The following TMTC2 variants were observed in gnomAD, a reference collection of about 807,000 sequenced individuals.
TMTC2 encodes the protein protein O-mannosyl-transferase TMTC2.
In TMTC2, 43 loss-of-function variants were observed where a neutral mutation model predicts 82.4. The observed-to-expected ratio is 0.52, with a 90% CI of 0.41 to 0.67. The LOEUF is 0.67. TMTC2 is among the 30% of genes least tolerant of loss of function. TMTC2 has a pLI of 0.00. For synonymous variants in TMTC2, 408 were observed against 381.9 expected, an observed-to-expected ratio of 1.07 and a Z score of -0.80; for missense variants, 919 against 1,012.4, an observed-to-expected ratio of 0.91 and a Z score of 1.25.
intron 1 of TMTC2, among the ~76,000 whole-genome samples, chr12:82,798,029 C>T (rs971286217): frequency 2.0e-5 from 3 of 149,686 alleles, no homozygotes; most frequent in African/African-American, 7.3e-5. Context: ...GCTCCGCCTC[C>T]CAGGTTCACA....
intron 1 of TMTC2, among the ~76,000 whole-genome samples, chr12:82,783,412 G>A (rs1316960489): frequency 6.6e-6 from 1 of 151,750 alleles, no homozygotes; most frequent in African/African-American, 2.4e-5. Context: ...CATATAAAAA[G>A]GGGTTGGCTG....
intron 1 of TMTC2, among the ~76,000 whole-genome samples, chr12:82,728,848 C>T (rs1041394631): frequency 3.3e-5 from 5 of 152,192 alleles, no homozygotes; most frequent in African/African-American, 4.8e-5. Flanking sequence ...ATGGGCTCGG[C>T]GGCCCTGCAC....
rs370608263 is a variant in TMTC2, at chr12:82,984,677, C to T, written c.1949-1248C>T. ...CTTGGTCTCAGAAACTGAATAGTGT[C>T]TCTACATTTGCAGTGCTTAGTAAAA... On this transcript the variant is annotated intron_variant, in intron 7 of 11. Transcript: ENST00000321196. Among the ~76,000 whole-genome samples, 19 of 152,238 alleles carry T rather than the reference C, an allele frequency of 1.2e-4. No individual in the cohort carries two copies. In the East Asian group the frequency reaches 1.3e-3, roughly 11 times the overall value.
At chr12:82,740,346 C>T (rs538770018) in intron 1 of TMTC2, among the ~76,000 whole-genome samples, 1 of 152,294 alleles carries the variant, frequency 6.6e-6, no homozygotes, top group Non-Finnish European at 1.5e-5. Context: ...GGAAACAATA[C>T]AGCAAGTGAC....
intron 11 of TMTC2, among the ~76,000 whole-genome samples, chr12:83,077,880 CT>C (rs751044763): frequency 0.015 from 1,361 of 92,922 alleles, 30 homozygotes; most frequent in African/African-American, 0.055. Flanking sequence ...GACAATCTGT[CT>C]TTTTTTTTTT....
intron 8 of TMTC2, among the ~76,000 whole-genome samples, chr12:83,017,724 A>G (rs1329786415): frequency 6.6e-6 from 1 of 151,980 alleles, no homozygotes; most frequent in Non-Finnish European, 1.5e-5. Flanking sequence ...TCTTTAATCT[A>G]AATGTTTAAC....
At chr12:83,076,282 G>A (rs1883280934) in intron 11 of TMTC2, among the ~76,000 whole-genome samples, 1 of 152,168 alleles carries the variant, frequency 6.6e-6, no homozygotes, top group Non-Finnish European at 1.5e-5. Context: ...TAGCAGGAAC[G>A]TAAGTAGCTC....
intron 1 of TMTC2, 136 bp from the exon 2 acceptor site, chr12:82,856,874 C>T (rs2137114952): frequency 1.2e-6 from 1 of 834,972 alleles, no homozygotes; most frequent in East Asian, 2.5e-5. Flanking sequence ...ATGAATTCAG[C>T]TTATATGTGC....
At chr12:82,860,960 G>C (rs925459595) in intron 2 of TMTC2, among the ~76,000 whole-genome samples, 2 of 152,200 alleles carry the variant, frequency 1.3e-5, no homozygotes, top group Non-Finnish European at 2.9e-5. Context: ...GGGTGAGTTA[G>C]AGGAGATTCT....
At chr12:82,795,501 T>C (rs1362715885) in intron 1 of TMTC2, among the ~76,000 whole-genome samples, 1 of 151,994 alleles carries the variant, frequency 6.6e-6, no homozygotes, top group Non-Finnish European at 1.5e-5. Flanking sequence ...ACAGGTGCTA[T>C]GGTTTGTTCA....
intron 8 of TMTC2, among the ~76,000 whole-genome samples, chr12:83,012,160 G>A (rs1880491355): frequency 1.3e-5 from 2 of 152,124 alleles, no homozygotes; most frequent in South Asian, 4.1e-4. Context: ...AGCTAGTCTA[G>A]TGTATCAGCT....
chr12:83,111,705 ACT>A (rs1592499825), intron 11 of TMTC2, among the ~76,000 whole-genome samples: 1 of 151,988 alleles, frequency 6.6e-6, no homozygotes, highest in African/African-American at 2.4e-5. Flanking sequence ...GGAGTTTTTG[ACT>A]CTATTACATG....
chr12:82,940,424 A>G (rs1876650003), intron 4 of TMTC2, among the ~76,000 whole-genome samples: 1 of 152,102 alleles, frequency 6.6e-6, no homozygotes, highest in South Asian at 2.1e-4. Flanking sequence ...TTAGTTTTTT[A>G]GAAATTATTT....
At chr12:82,995,085 A>T (rs150915033) in intron 8 of TMTC2, among the ~76,000 whole-genome samples, 219 of 152,270 alleles carry the variant, frequency 1.4e-3, no homozygotes, top group African/African-American at 5.0e-3. Context: ...TTTTCACATG[A>T]GTTAAACTTT....
At chr12:82,909,638 C>T (rs1029606893) in intron 3 of TMTC2, among the ~76,000 whole-genome samples, 4 of 152,164 alleles carry the variant, frequency 2.6e-5, no homozygotes, top group African/African-American at 9.6e-5. Context: ...CCGTGCCTGG[C>T]CTCATGAAGT....
At chr12:82,834,289 A>G (rs1869908869) in intron 1 of TMTC2, among the ~76,000 whole-genome samples, 1 of 152,216 alleles carries the variant, frequency 6.6e-6, no homozygotes, top group African/African-American at 2.4e-5. Flanking sequence ...TATCCGTCTT[A>G]GAGGTGCTGT....
At chr12:83,071,530 T>C in intron 11 of TMTC2, among the ~76,000 whole-genome samples, 1 of 152,284 alleles carries the variant, frequency 6.6e-6, no homozygotes, top group East Asian at 1.9e-4. Flanking sequence ...TTCATAAGGG[T>C]TCCTTCTTTA....
intron 7 of TMTC2, among the ~76,000 whole-genome samples, chr12:82,977,872 C>T (rs965656790): frequency 1.3e-5 from 2 of 151,496 alleles, no homozygotes; most frequent in Non-Finnish European, 3.0e-5. Flanking sequence ...ATACTGATTT[C>T]GAATGAGAAA....
At chr12:82,990,556 C>A (rs946532120) in intron 8 of TMTC2, among the ~76,000 whole-genome samples, 2 of 151,992 alleles carry the variant, frequency 1.3e-5, no homozygotes, top group African/African-American at 4.8e-5. Context: ...TAAGCAGTTC[C>A]TTTTTTGTTT....
Sources: gnomAD v4.1 joint callset for allele counts (sites outside exome capture counted in the v4.1 genomes callset) on GRCh38, gnomAD v4.1.1 for gene constraint, MANE v1.5 for transcripts, NCBI Gene and HGNC (gene_info 2026-07-23, HGNC 2026-07-21) for gene names.